The following ULK4 variants were observed in gnomAD, a reference collection of about 807,000 sequenced individuals.
ULK4 encodes unc-51 like kinase 4.
In ULK4, 133 loss-of-function variants were observed where a neutral mutation model predicts 160.6. That is an observed-to-expected ratio of 0.83 (90% CI 0.72 to 0.96). The LOEUF is 0.96. Among genes scored for constraint, ULK4 ranks in the 40% least tolerant of loss-of-function variants. The pLI, the probability that ULK4 is intolerant of heterozygous loss-of-function variation, is 0.00. For synonymous variants in ULK4, 534 were observed against 539.8 expected, an observed-to-expected ratio of 0.99 and a Z score of 0.15; for missense variants, 1,580 against 1,499.5, an observed-to-expected ratio of 1.05 and a Z score of -0.89.
At chr3:41,487,000 T>C (rs889094665) in intron 32 of ULK4, among the ~76,000 whole-genome samples, 2 of 152,198 alleles carry the variant, frequency 1.3e-5, no homozygotes, top group Admixed American at 6.5e-5. Context: ...TTATAGATAA[T>C]GTGATTGAGA....
chr3:41,551,738 T>C (rs1415286065), intron 32 of ULK4, among the ~76,000 whole-genome samples: 3 of 151,400 alleles, frequency 2.0e-5, no homozygotes, highest in Non-Finnish European at 4.4e-5. Context: ...TGCAAAGAAA[T>C]AAAAAGAAGA....
At chr3:41,370,074 C>A (rs545113670) in intron 35 of ULK4, among the ~76,000 whole-genome samples, 1 of 151,974 alleles carries the variant, frequency 6.6e-6, no homozygotes, top group Non-Finnish European at 1.5e-5. Flanking sequence ...CGTTAAAGGG[C>A]CCGGTATCTG....
At chr3:41,808,652 C>T (rs1283242888) in intron 19 of ULK4, among the ~76,000 whole-genome samples, 1 of 152,202 alleles carries the variant, frequency 6.6e-6, no homozygotes, top group East Asian at 1.9e-4. Flanking sequence ...TAATGAAGAG[C>T]TGTGCTATGT....
At chr3:41,539,194 G>T (rs2086615355) in intron 32 of ULK4, among the ~76,000 whole-genome samples, 1 of 151,872 alleles carries the variant, frequency 6.6e-6, no homozygotes, top group South Asian at 2.1e-4. Flanking sequence ...AGGGTCAACT[G>T]TATTTTAAGC....
chr3:41,652,161 A>C (rs1300727432), intron 30 of ULK4, among the ~76,000 whole-genome samples: 1 of 152,222 alleles, frequency 6.6e-6, no homozygotes, highest in Non-Finnish European at 1.5e-5. Context: ...AAACAAGGGG[A>C]AACCTCTATG....
chr3:41,403,386 T>C (rs1285780303), intron 34 of ULK4, among the ~76,000 whole-genome samples: 3 of 152,180 alleles, frequency 2.0e-5, no homozygotes, highest in African/African-American at 7.2e-5. Flanking sequence ...GAACATAAAA[T>C]TGTTCACAGC....
chr3:41,878,065 T>A, intron 17 of ULK4, among the ~76,000 whole-genome samples: 1 of 134,708 alleles, frequency 7.4e-6, no homozygotes, highest in Non-Finnish European at 1.6e-5. Flanking sequence ...ATCTAACCTC[T>A]GAAAAGCTCT....
chr3:41,692,947 T>G (rs540328230), intron 27 of ULK4, among the ~76,000 whole-genome samples: 1 of 152,320 alleles, frequency 6.6e-6, no homozygotes, highest in South Asian at 2.1e-4. Flanking sequence ...ATGTCCCAAA[T>G]GAAATCAATG....
At chr3:41,429,846 G>A (rs1479521090) in intron 34 of ULK4, among the ~76,000 whole-genome samples, 1 of 152,022 alleles carries the variant, frequency 6.6e-6, no homozygotes, top group Non-Finnish European at 1.5e-5. Flanking sequence ...AAACCACCAT[G>A]GCACATGTTT....
intron 35 of ULK4, among the ~76,000 whole-genome samples, chr3:41,373,687 A>G (rs1175820633): frequency 6.6e-6 from 1 of 152,244 alleles, no homozygotes; most frequent in African/African-American, 2.4e-5. Context: ...GAAAGCGGGA[A>G]AGATCTAAAA....
intron 11 of ULK4, among the ~76,000 whole-genome samples, chr3:41,908,966 A>C (rs1247783134): frequency 1.3e-5 from 2 of 151,516 alleles, no homozygotes; most frequent in African/African-American, 4.8e-5. Flanking sequence ...GGTAGCAGGC[A>C]CCTGTAATCC....
At chr3:41,913,987 G>A (rs1190839837) in intron 8 of ULK4, among the ~76,000 whole-genome samples, 1 of 152,006 alleles carries the variant, frequency 6.6e-6, no homozygotes, top group African/African-American at 2.4e-5. Flanking sequence ...GCGGTGGGAG[G>A]AAAGAATATC....
intron 8 of ULK4, among the ~76,000 whole-genome samples, chr3:41,914,515 A>C (rs1698903603): frequency 6.6e-6 from 1 of 152,230 alleles, no homozygotes; most frequent in South Asian, 2.1e-4. Context: ...AAATGTATCA[A>C]ACTTTTTAAA....
chr3:41,931,276 A>G (rs1699587782), intron 5 of ULK4, among the ~76,000 whole-genome samples: 1 of 152,146 alleles, frequency 6.6e-6, no homozygotes, highest in Admixed American at 6.6e-5. Flanking sequence ...GTGGGAGTTG[A>G]ACAATGAGAA....
chr3:41,780,327 A>G (rs558876498), intron 21 of ULK4, among the ~76,000 whole-genome samples: 1 of 152,064 alleles, frequency 6.6e-6, no homozygotes, highest in Non-Finnish European at 1.5e-5. Context: ...AATAAAGTGC[A>G]TGATGGTGTA....
At chr3:41,765,008 A>T (rs1559535726) in intron 21 of ULK4, among the ~76,000 whole-genome samples, 1 of 152,230 alleles carries the variant, frequency 6.6e-6, no homozygotes, top group Non-Finnish European at 1.5e-5. Context: ...GCGATTCCTC[A>T]GGGATCTAGA....
At chr3:41,680,617 G>GT (rs758732996) in intron 29 of ULK4, among the ~76,000 whole-genome samples, 66 of 152,236 alleles carry the variant, frequency 4.3e-4, no homozygotes, top group Admixed American at 7.2e-4. Context: ...AAATCAGAAT[G>GT]TAATTACATC....
chr3:41,294,167 T>C (rs2079625192), intron 35 of ULK4, among the ~76,000 whole-genome samples: 1 of 152,216 alleles, frequency 6.6e-6, no homozygotes, highest in African/African-American at 2.4e-5. Flanking sequence ...GTTTAGGTCA[T>C]GAGGGCTTTG....
chr3:41,301,244 A>C (rs578016517), intron 35 of ULK4, among the ~76,000 whole-genome samples: 1 of 150,896 alleles, frequency 6.6e-6, no homozygotes, highest in East Asian at 1.9e-4. Flanking sequence ...GATACAGAGA[A>C]TATTATACTA....
Sources: allele counts gnomAD v4.1 joint callset (sites outside exome capture counted in the v4.1 genomes callset), GRCh38; gene constraint gnomAD v4.1.1; transcripts MANE v1.5; gene names NCBI Gene and HGNC (gene_info 2026-07-23, HGNC 2026-07-21).